Variants in CLOCK observed in about 807,000 individuals in gnomAD.
The protein encoded by CLOCK is circadian locomoter output cycles protein kaput.
Under a neutral mutation model 118.4 loss-of-function variants are expected in CLOCK, and 43 were observed. The ratio of observed to expected loss-of-function variants is 0.36; its 90% confidence interval spans 0.28 to 0.47. The LOEUF (loss-of-function observed/expected upper bound fraction) is 0.47. Ranked by LOEUF, CLOCK falls within the 20% of genes least tolerant of loss-of-function variation. The probability of loss-of-function intolerance (pLI) is 1.00; values close to 1 mark genes in which losing one functional copy is unlikely to be tolerated. For missense variants in CLOCK, 846 were observed against 999.9 expected (o/e 0.85, Z 2.08); for synonymous variants, 326 against 339.2 (o/e 0.96, Z 0.43).
intron 3 of CLOCK, chr4:55,486,611 G>C (rs537132937): frequency 1.3e-5 from 2 of 151,926 alleles, no homozygotes; most frequent in African/African-American, 4.9e-5. Flanking sequence ...ACTGTCATTA[G>C]TCTATCCTTA....
intron 18 of CLOCK, among the ~76,000 whole-genome samples, chr4:55,445,659 T>C (rs1369820742): frequency 3.5e-5 from 5 of 143,846 alleles, no homozygotes; most frequent in African/African-American, 5.1e-5. Flanking sequence ...GGTGCGATCA[T>C]GGCTCTCTAC....
intron 22 of CLOCK, among the ~76,000 whole-genome samples, chr4:55,438,066 G>A (rs1359637057): frequency 1.3e-5 from 2 of 152,164 alleles, no homozygotes; most frequent in African/African-American, 4.8e-5. Context: ...TGATAACTGG[G>A]TATGCCCAAT....
At chr4:55,451,099 TTTCTC>T (rs1724405037) in intron 15 of CLOCK, among the ~76,000 whole-genome samples, 1 of 151,744 alleles carries the variant, frequency 6.6e-6, no homozygotes, top group South Asian at 2.1e-4. Context: ...CACTGCCCCA[TTTCTC>T]TTCTCTTTGT....
intron 1 of CLOCK, among the ~76,000 whole-genome samples, chr4:55,530,033 C>A (rs1402347498): frequency 6.6e-6 from 1 of 151,962 alleles, no homozygotes; most frequent in East Asian, 1.9e-4. Context: ...AGTAAGTATC[C>A]CAAAATGGGC....
At chr4:55,460,390 C>T (rs1725248373) in intron 9 of CLOCK, among the ~76,000 whole-genome samples, 1 of 152,118 alleles carries the variant, frequency 6.6e-6, no homozygotes, top group South Asian at 2.1e-4. Flanking sequence ...CTTGATTGTC[C>T]CATTAGTAAC....
rs558742513 is a variant in CLOCK at position 55,465,136 on chromosome 4, C to A, written c.439-1331G>T. Reference sequence around the variant, plus strand: ...ATGGATCAAAACTATTCAGGAAAAACAAAAAACAGATGGTTGTGTCTGTAC... The same window carrying A: ...ATGGATCAAAACTATTCAGGAAAAAAAAAAAACAGATGGTTGTGTCTGTAC... On this transcript the variant is annotated intron_variant, in intron 8 of 22. Coordinates refer to ENST00000513440, the MANE Select transcript of CLOCK (RefSeq NM_004898.4). Among the ~76,000 whole-genome samples, 333 of 152,216 alleles carry A rather than the reference C, an allele frequency of 2.2e-3. 1 individual carries two copies. The highest frequency in any genetic ancestry group is 7.5e-3 in the African/African-American group (310 of 41,550).
chr4:55,516,854 C>CA (rs1560471980), intron 1 of CLOCK, among the ~76,000 whole-genome samples: 1 of 151,762 alleles, frequency 6.6e-6, no homozygotes, highest in Non-Finnish European at 1.5e-5. Context: ...TTTTGTTTTA[C>CA]TTTTTTTAGT....
intron 1 of CLOCK, among the ~76,000 whole-genome samples, chr4:55,545,052 C>CTTTTTTTTTTTTTTTTTTTTTTTT (rs34291520): frequency 5.5e-5 from 8 of 144,622 alleles, no homozygotes; most frequent in South Asian, 2.2e-4. Flanking sequence ...TTCAGGCTAA[C>CTTTTTTTTTTTTTTTTTTTTTTTT]TTTTTTTTTT....
In CLOCK at chr4:55,511,167, T is replaced by A. The variant is rs371447355; in HGVS notation, c.-289-1102A>T. ...AAAAAGTCTCATCACAATTCTCAAC[T>A]AATAATTAACAATTACTAAGCACTT... On this transcript the variant is annotated intron_variant, in intron 1 of 22. Coordinates refer to ENST00000513440, the MANE Select transcript of CLOCK (RefSeq NM_004898.4). 2.7e-3 allele frequency among the ~76,000 whole-genome samples: 406 copies of A among 152,312 alleles called. 1 individual carries two copies. The highest frequency in any genetic ancestry group is 9.4e-3 in the African/African-American group (392 of 41,568).
chr4:55,542,368 TAATAA>T (rs1560489940), intron 1 of CLOCK, among the ~76,000 whole-genome samples: 16,220 of 56,752 alleles, frequency 0.29, 1,288 homozygotes, highest in East Asian at 0.35. Context: ...ATAATAATAA[TAATAA>T]TAATAATATT....
Position 55,431,419 on chromosome 4 carries a change from C to T in CLOCK, c.*3996G>A, listed in dbSNP as rs1722492101. On this transcript the variant is annotated 3_prime_UTR_variant, in exon 23 of 23. Coordinates refer to ENST00000513440, the MANE Select transcript of CLOCK (RefSeq NM_004898.4). ...CGATTCTATTCCTTTGCAATTACTTCAGAAGCTCCTTTTAGAAGAAAGCTC... is the reference window on the plus strand; with the variant it reads ...CGATTCTATTCCTTTGCAATTACTTTAGAAGCTCCTTTTAGAAGAAAGCTC... 1 of 152,176 alleles carries T rather than the reference C, an allele frequency of 6.6e-6. No homozygotes were observed. The highest frequency in any genetic ancestry group is 1.9e-4 in the East Asian group (1 of 5,200). 9.4% of individuals were successfully genotyped at this position (152,176 alleles called of 1,614,324 possible).
intron 8 of CLOCK, among the ~76,000 whole-genome samples, chr4:55,469,908 A>C (rs1329517695): frequency 6.6e-6 from 1 of 152,000 alleles, no homozygotes; most frequent in Non-Finnish European, 1.5e-5. Flanking sequence ...GGGTTTCACC[A>C]TGTTGCCCAG....
At chr4:55,526,739 G>A (rs568427950) in intron 1 of CLOCK, among the ~76,000 whole-genome samples, 13 of 152,074 alleles carry the variant, frequency 8.5e-5, no homozygotes, top group African/African-American at 3.1e-4. Flanking sequence ...ACGAGGTCAG[G>A]AGATCCAGAC....
intron 3 of CLOCK, among the ~76,000 whole-genome samples, chr4:55,485,282 G>A (rs370049672): frequency 4.3e-4 from 66 of 152,244 alleles, no homozygotes; most frequent in African/African-American, 1.5e-3. Context: ...ACTCTTAACA[G>A]TCTAGCACAA....
chr4:55,464,777 G>T (rs1725619016), intron 8 of CLOCK, among the ~76,000 whole-genome samples: 1 of 152,214 alleles, frequency 6.6e-6, no homozygotes, highest in South Asian at 2.1e-4. Context: ...AGAATGGTGA[G>T]AGGGGAGAAA....
chr4:55,464,527 G>A (rs1027223800), intron 8 of CLOCK, among the ~76,000 whole-genome samples: 2 of 152,142 alleles, frequency 1.3e-5, no homozygotes, highest in Non-Finnish European at 2.9e-5. Context: ...CTGGTTTCCT[G>A]CGTTTCAAAC....
chr4:55,495,165 ACTTT>A (rs1727971124), intron 2 of CLOCK, among the ~76,000 whole-genome samples: 1 of 151,856 alleles, frequency 6.6e-6, no homozygotes, highest in Non-Finnish European at 1.5e-5. Flanking sequence ...ATCCCTATAT[ACTTT>A]CATCCCTATA....
intron 2 of CLOCK, among the ~76,000 whole-genome samples, chr4:55,497,677 T>G (rs1728175035): frequency 6.6e-6 from 1 of 152,236 alleles, no homozygotes. Context: ...GTATGACAAT[T>G]CAGGCTGCAT....
intron 1 of CLOCK, among the ~76,000 whole-genome samples, chr4:55,521,172 G>A (rs1474866818): frequency 6.6e-6 from 1 of 152,136 alleles, no homozygotes; most frequent in African/African-American, 2.4e-5. Context: ...TGGAACTACA[G>A]TAATTTGTGT....
Sources: gnomAD v4.1 joint callset for allele counts (sites outside exome capture counted in the v4.1 genomes callset) on GRCh38, gnomAD v4.1.1 for gene constraint, MANE v1.5 for transcripts, NCBI Gene and HGNC (gene_info 2026-07-23, HGNC 2026-07-21) for gene names.